The following PCDH11Y variants were observed in gnomAD, a reference collection of about 807,000 sequenced individuals.
PCDH11Y encodes the protein protocadherin-11 Y-linked.
For synonymous variants in PCDH11Y, 9 were observed against 83.6 expected (o/e 0.11, Z 4.87); for missense variants, 12 against 224.8 (o/e 0.05, Z 6.05).
At chrY:5,728,716 C>T (rs2053600864) in intron 4 of PCDH11Y, among the ~76,000 whole-genome samples, 4 of 32,108 alleles carry the variant, frequency 1.2e-4, no homozygotes, top group Non-Finnish European at 3.1e-4. Context: ...TATTGGGTGA[C>T]GCTGAGGTTT....
chrY:5,384,909 G>C (rs2053210580), intron 2 of PCDH11Y, among the ~76,000 whole-genome samples: 1 of 25,992 alleles, frequency 3.8e-5, no homozygotes, highest in Non-Finnish European at 9.0e-5. Context: ...AAAAAAAAAA[G>C]GTTTGGGGAT....
intron 3 of PCDH11Y, among the ~76,000 whole-genome samples, chrY:5,574,946 C>G: frequency 3.0e-5 from 1 of 33,527 alleles, no homozygotes; most frequent in Non-Finnish European, 7.4e-5. Flanking sequence ...AAGAGAGTCT[C>G]TTCATTAAAT....
intron 2 of PCDH11Y, among the ~76,000 whole-genome samples, chrY:5,223,621 A>G (rs2052956368): frequency 3.2e-5 from 1 of 31,156 alleles, no homozygotes; most frequent in Admixed American, 3.0e-4. Flanking sequence ...ATGTCCAACT[A>G]TTTTTAAATT....
chrY:5,215,719 G>T (rs2052945127), intron 2 of PCDH11Y, among the ~76,000 whole-genome samples: 2 of 28,050 alleles, frequency 7.1e-5, no homozygotes, highest in Admixed American at 3.4e-4. Flanking sequence ...GGGGGCTAAG[G>T]ATCCTTGTTA....
intron 4 of PCDH11Y, among the ~76,000 whole-genome samples, chrY:5,676,147 G>T (rs2053553547): frequency 3.7e-5 from 1 of 27,360 alleles, no homozygotes; most frequent in Admixed American, 3.4e-4. Context: ...GCACCAGAAA[G>T]CCCAACACCA....
At chrY:5,678,248 T>A in intron 4 of PCDH11Y, among the ~76,000 whole-genome samples, 1 of 33,130 alleles carries the variant, frequency 3.0e-5, no homozygotes, top group African/African-American at 1.2e-4. Context: ...CCATTGGGCA[T>A]CTAGTTGATT....
intron 4 of PCDH11Y, among the ~76,000 whole-genome samples, chrY:5,726,181 AC>A (rs2053598706): frequency 3.2e-5 from 1 of 30,853 alleles, no homozygotes; most frequent in African/African-American, 1.3e-4. Context: ...GACCCAGCAC[AC>A]AAACTTTTAC....
intron 2 of PCDH11Y, among the ~76,000 whole-genome samples, chrY:5,201,052 C>T: frequency 3.0e-5 from 1 of 32,820 alleles, no homozygotes; most frequent in African/African-American, 1.2e-4. Flanking sequence ...TTTGGCCTTT[C>T]CTAATCTCTC....
At chrY:5,326,466 T>C in intron 2 of PCDH11Y, among the ~76,000 whole-genome samples, 1 of 32,546 alleles carries the variant, frequency 3.1e-5, no homozygotes, top group Non-Finnish European at 7.5e-5. Flanking sequence ...TTCTGAGAGG[T>C]GGGCTAGTGG....
intron 4 of PCDH11Y, among the ~76,000 whole-genome samples, chrY:5,710,078 T>C: frequency 3.1e-5 from 1 of 32,719 alleles, no homozygotes; most frequent in Non-Finnish European, 7.5e-5. Context: ...TTGGTCAATA[T>C]TGGGTGTTCA....
chrY:5,318,713 ATGTG>A (rs760151133), intron 2 of PCDH11Y, among the ~76,000 whole-genome samples: 11 of 24,393 alleles, frequency 4.5e-4, no homozygotes, highest in East Asian at 1.0e-3. Flanking sequence ...AAAAAGTAAT[ATGTG>A]TGTGTGTGTG....
chrY:5,390,902 A>G, intron 2 of PCDH11Y, among the ~76,000 whole-genome samples: 1 of 33,116 alleles, frequency 3.0e-5, no homozygotes, highest in Non-Finnish European at 7.4e-5. Context: ...TCAGTCTTCA[A>G]TAATATACAT....
intron 2 of PCDH11Y, among the ~76,000 whole-genome samples, chrY:5,286,537 T>C: frequency 6.0e-5 from 2 of 33,306 alleles, no homozygotes; most frequent in Non-Finnish European, 1.5e-4. Flanking sequence ...GGAATGTTTT[T>C]GCATTTGTTT....
At position 5,485,918 on chromosome Y, in the gene PCDH11Y, G is replaced by T. The variant is rs1311380264; in HGVS notation, c.3130-15139G>T. On this transcript the variant is annotated intron_variant, in intron 2 of 4. Coordinates refer to the PCDH11Y transcript ENST00000400457. ...TTTCCACCACAGAATACTGCTTCAA[G>T]TTGCCTCAGTACAAGTTTGTTATCT... Among the ~76,000 whole-genome samples the T allele has an allele frequency of 2.3e-4, 5 of 22,157 alleles. No individual in the cohort carries two copies. In the East Asian group the frequency reaches 5.4e-3, roughly 24 times the overall value. The allele number at this position is 22,157 out of a possible 37,273, so 59.4% of individuals were successfully genotyped here. A position where few individuals can be genotyped will look rare whatever the true frequency, so the allele number is the denominator to read the frequency against.
At chrY:5,366,927 C>T (rs2053180952) in intron 2 of PCDH11Y, among the ~76,000 whole-genome samples, 1 of 31,208 alleles carries the variant, frequency 3.2e-5, no homozygotes, top group East Asian at 8.4e-4. Flanking sequence ...CATGCATGTG[C>T]GCACAAACAC....
intron 4 of PCDH11Y, among the ~76,000 whole-genome samples, chrY:5,617,509 A>G: frequency 3.1e-5 from 1 of 32,212 alleles, no homozygotes; most frequent in East Asian, 8.3e-4. Context: ...GCAAAAGTAT[A>G]ATGGTAACTT....
intron 2 of PCDH11Y, among the ~76,000 whole-genome samples, chrY:5,188,192 C>A: frequency 6.0e-5 from 2 of 33,394 alleles, no homozygotes; most frequent in East Asian, 1.7e-3. Flanking sequence ...AGCCATTCAC[C>A]AAGTCTCTAG....
chrY:5,320,418 A>G, intron 2 of PCDH11Y, among the ~76,000 whole-genome samples: 2 of 33,561 alleles, frequency 6.0e-5, no homozygotes, highest in Non-Finnish European at 1.5e-4. Context: ...AAAATCTTAG[A>G]GAAGTTATTT....
intron 2 of PCDH11Y, among the ~76,000 whole-genome samples, chrY:5,447,621 A>G (rs2053288914): frequency 3.0e-5 from 1 of 32,977 alleles, no homozygotes; most frequent in Admixed American, 2.8e-4. Context: ...TTGCTTTGGA[A>G]ATAATTTTCG....
Sources: allele counts gnomAD v4.1 joint callset (sites outside exome capture counted in the v4.1 genomes callset), GRCh38; gene constraint gnomAD v4.1.1; transcripts MANE v1.5; gene names NCBI Gene and HGNC (gene_info 2026-07-23, HGNC 2026-07-21).